Variants in CDYL observed in about 807,000 individuals in gnomAD.
The protein encoded by CDYL is chromodomain Y-like protein.
Under a neutral mutation model 47.3 loss-of-function variants are expected in CDYL, and 8 were observed. That is an observed-to-expected ratio of 0.17 (90% confidence interval 0.10 to 0.31). CDYL has a LOEUF of 0.31. CDYL is among the 10% of genes least tolerant of loss of function. CDYL has a pLI of 1.00. For synonymous variants in CDYL, 266 were observed against 265.0 expected (o/e 1.00, Z -0.04); for missense variants, 471 against 701.4 (o/e 0.67, Z 3.71).
chr6:4,724,777 C>T (rs1396146765), intron 2 of CDYL: 1 of 152,162 alleles, frequency 6.6e-6, no homozygotes, highest in Non-Finnish European at 1.5e-5. Flanking sequence ...GTGAGTGCTA[C>T]AACTCACAAA....
At chr6:4,945,789 T>G (rs1222427426) in intron 5 of CDYL, among the ~76,000 whole-genome samples, 2 of 152,238 alleles carry the variant, frequency 1.3e-5, no homozygotes, top group Non-Finnish European at 2.9e-5. Context: ...GTGCTATATG[T>G]GACTTAGCCA....
At chr6:4,902,404 C>CA (rs35164020) in intron 2 of CDYL, among the ~76,000 whole-genome samples, 11,029 of 95,750 alleles carry the variant, frequency 0.12, 571 homozygotes, top group South Asian at 0.2. Flanking sequence ...AGCTCCATCT[C>CA]AAAAAAAAAA....
intron 1 of CDYL, among the ~76,000 whole-genome samples, chr6:4,890,601 G>A (rs767973484): frequency 3.3e-5 from 5 of 152,182 alleles, no homozygotes; most frequent in Non-Finnish European, 7.3e-5. Flanking sequence ...TGATGGGGAT[G>A]GGGTATTCTC....
chr6:4,953,705 A>G (rs1227219415), intron 6 of CDYL, among the ~76,000 whole-genome samples, 193 bp from the exon 7 acceptor site: 1 of 152,166 alleles, frequency 6.6e-6, no homozygotes, highest in Non-Finnish European at 1.5e-5. Context: ...TGAAGTTAAG[A>G]ATGCACCCAG....
At chr6:4,947,316 A>G (rs3789796) in intron 5 of CDYL, among the ~76,000 whole-genome samples, 81,020 of 152,022 alleles carry the variant, frequency 0.53, 23,758 homozygotes, top group East Asian at 0.75. Flanking sequence ...CTGGACTTCA[A>G]AGTTGGGGGC....
At chr6:4,842,792 G>C (rs944352448) in intron 1 of CDYL, among the ~76,000 whole-genome samples, 4 of 151,976 alleles carry the variant, frequency 2.6e-5, no homozygotes, top group Non-Finnish European at 5.9e-5. Context: ...ATTGTGCTAT[G>C]AATACACAAC....
chr6:4,840,328 G>T (rs1488120475), intron 1 of CDYL, among the ~76,000 whole-genome samples: 1 of 152,090 alleles, frequency 6.6e-6, no homozygotes, highest in Non-Finnish European at 1.5e-5. Flanking sequence ...GAGTTTCTTG[G>T]TATATGATCA....
At chr6:4,838,367 A>G (rs986094125) in intron 1 of CDYL, among the ~76,000 whole-genome samples, 1 of 151,384 alleles carries the variant, frequency 6.6e-6, no homozygotes, top group East Asian at 2.0e-4. Flanking sequence ...GCATCTTCAT[A>G]GCTTAGCTCC....
intron 1 of CDYL, among the ~76,000 whole-genome samples, chr6:4,866,069 A>G (rs1292372747): frequency 1.6e-4 from 24 of 152,224 alleles, no homozygotes; most frequent in Admixed American, 1.5e-3. Flanking sequence ...TCTGATCACA[A>G]TTATTAGATT....
At chr6:4,947,535 A>G (rs1042989410) in intron 5 of CDYL, among the ~76,000 whole-genome samples, 1 of 152,028 alleles carries the variant, frequency 6.6e-6, no homozygotes, top group Non-Finnish European at 1.5e-5. Context: ...CTCACCTGTG[A>G]GAGTGTTAGC....
chr6:4,935,514 G>A lies in CDYL; in HGVS notation c.692-1G>A. The A allele has an allele frequency of 6.2e-7, 1 of 1,613,558 alleles. No individual in the cohort carries two copies. The highest frequency in any genetic ancestry group is 8.5e-7 in the Non-Finnish European group (1 of 1,179,474). On this transcript the variant is annotated splice_acceptor_variant, in intron 2 of 6. Coordinates refer to ENST00000397588, the MANE Select transcript of CDYL (RefSeq NM_004824.4). LOFTEE classifies it high-confidence loss of function. ...CTACTGTGATTTCAAACTCTCGGCA[G>A]GTACATCTCCGTTCATGGATGCATT...
intron 1 of CDYL, among the ~76,000 whole-genome samples, chr6:4,710,887 G>A (rs1341884862): frequency 6.7e-6 from 1 of 149,624 alleles, no homozygotes; most frequent in East Asian, 2.0e-4. Context: ...GCTGGAAATT[G>A]GCAAAGAGTG....
At chr6:4,841,232 G>T (rs1468436561) in intron 1 of CDYL, among the ~76,000 whole-genome samples, 1 of 152,076 alleles carries the variant, frequency 6.6e-6, no homozygotes, top group Admixed American at 6.6e-5. Flanking sequence ...ATAAACTTTT[G>T]TATTTCTGTG....
chr6:4,777,843 G>T (rs1378927944), intron 1 of CDYL, among the ~76,000 whole-genome samples: 1 of 152,184 alleles, frequency 6.6e-6, no homozygotes, highest in Non-Finnish European at 1.5e-5. Context: ...TAGTCTTCTA[G>T]CAACTTTTTT....
intron 1 of CDYL, among the ~76,000 whole-genome samples, chr6:4,813,255 G>T (rs981483344): frequency 6.6e-6 from 1 of 152,188 alleles, no homozygotes; most frequent in Non-Finnish European, 1.5e-5. Context: ...GAACACTGCC[G>T]TCGTCATCTT....
At position 4,954,287 on chromosome 6, in the gene CDYL, A is replaced by C. The variant is rs1758803216; in HGVS notation, c.*231A>C. 1 of 398,844 alleles carries C rather than the reference A, an allele frequency of 2.5e-6. No homozygotes were observed. The highest frequency in any genetic ancestry group is 4.5e-6 in the Non-Finnish European group (1 of 223,304). 24.7% of individuals were successfully genotyped at this position (398,844 alleles called of 1,614,324 possible). A position where few individuals can be genotyped will look rare whatever the true frequency, so the allele number is the denominator to read the frequency against. On this transcript the variant is annotated 3_prime_UTR_variant, in exon 7 of 7. Coordinates refer to ENST00000397588, the MANE Select transcript of CDYL (RefSeq NM_004824.4). ...GTCCAAACGTCATTATTTTATACTT[A>C]TATACACGCAGGTGTAAAAGTATAA...
intron 1 of CDYL, among the ~76,000 whole-genome samples, chr6:4,860,159 C>T (rs1232575040): frequency 1.3e-5 from 2 of 152,098 alleles, no homozygotes; most frequent in Non-Finnish European, 2.9e-5. Flanking sequence ...CCTCGGCCTC[C>T]CAAAGTGCTG....
chr6:4,910,746 G>A (rs944858894), intron 2 of CDYL, among the ~76,000 whole-genome samples: 1 of 152,232 alleles, frequency 6.6e-6, no homozygotes, highest in Middle Eastern at 3.2e-3. Flanking sequence ...AGCAGTGTTG[G>A]AAGCGATGGT....
intron 2 of CDYL, among the ~76,000 whole-genome samples, chr6:4,723,856 T>C (rs1047955494): frequency 6.6e-6 from 1 of 152,322 alleles, no homozygotes; most frequent in Non-Finnish European, 1.5e-5. Context: ...AAAAACTGAG[T>C]GTTTAGGTCT....
Sources: gnomAD v4.1 joint callset for allele counts (sites outside exome capture counted in the v4.1 genomes callset) on GRCh38, gnomAD v4.1.1 for gene constraint, MANE v1.5 for transcripts, NCBI Gene and HGNC (gene_info 2026-07-23, HGNC 2026-07-21) for gene names.